Variants in PTPRD observed in about 807,000 individuals in gnomAD.
The protein encoded by PTPRD is receptor-type tyrosine-protein phosphatase delta.
A neutral mutation model predicts 214.5 loss-of-function variants in PTPRD; 34 were observed. The observed-to-expected ratio is 0.16, with a 90% confidence interval of 0.12 to 0.21. The LOEUF is 0.21. Among genes scored for constraint, PTPRD ranks in the 10% least tolerant of loss-of-function variants. PTPRD has a pLI of 1.00. For synonymous variants in PTPRD, 1,128 were observed against 845.7 expected (o/e 1.33, Z -5.79); for missense variants, 2,545 against 2,398.7 (o/e 1.06, Z -1.27).
chr9:8,632,615 C>T (rs2096287613), intron 14 of PTPRD, among the ~76,000 whole-genome samples: 1 of 151,990 alleles, frequency 6.6e-6, no homozygotes. Context: ...AGACATACAA[C>T]ACAGTCTTCA....
chr9:9,763,289 T>A (rs2098676663), intron 6 of PTPRD, among the ~76,000 whole-genome samples: 1 of 152,200 alleles, frequency 6.6e-6, no homozygotes. Flanking sequence ...TGGGTGTGTT[T>A]CTTTTCAGTC....
intron 2 of PTPRD, among the ~76,000 whole-genome samples, chr9:10,511,023 T>A (rs987320713): frequency 8.0e-6 from 1 of 124,510 alleles, no homozygotes; most frequent in Admixed American, 7.3e-5. Context: ...TTATTGTAAA[T>A]GTACTTATGA....
intron 39 of PTPRD, among the ~76,000 whole-genome samples, chr9:8,350,030 A>G (rs1411183735): frequency 2.0e-5 from 3 of 152,054 alleles, no homozygotes; most frequent in Non-Finnish European, 4.4e-5. Context: ...GCCTACTAGG[A>G]AATTGTTATT....
intron 5 of PTPRD, among the ~76,000 whole-genome samples, chr9:9,786,874 G>A (rs747801979): frequency 3.2e-4 from 48 of 151,800 alleles, no homozygotes; most frequent in Non-Finnish European, 4.6e-4. Flanking sequence ...GCTGGGCACA[G>A]TGGCTTACAT....
At chr9:9,326,640 T>G (rs535875053) in intron 9 of PTPRD, among the ~76,000 whole-genome samples, 137 of 151,504 alleles carry the variant, frequency 9.0e-4, no homozygotes, top group Non-Finnish European at 1.5e-3. Flanking sequence ...ATGAGAGCAT[T>G]GAAGATTTTT....
intron 4 of PTPRD, among the ~76,000 whole-genome samples, chr9:9,968,719 G>C (rs1034684517): frequency 1.3e-5 from 2 of 151,998 alleles, no homozygotes; most frequent in Non-Finnish European, 2.9e-5. Context: ...AAAAAAGCTA[G>C]GTCACAGAAA....
intron 11 of PTPRD, among the ~76,000 whole-genome samples, chr9:8,932,172 GATCTT>G (rs1483249641): frequency 6.6e-6 from 1 of 152,082 alleles, no homozygotes. Context: ...GTTCTGCTCT[GATCTT>G]AAGTGTTTCT....
chr9:8,402,368 G>T (rs2133791), intron 36 of PTPRD, among the ~76,000 whole-genome samples: 141,203 of 152,228 alleles, frequency 0.93, 65,506 homozygotes, highest in Middle Eastern at 0.96. Context: ...AGGAGGTATA[G>T]TTTTTATCCC....
intron 12 of PTPRD, among the ~76,000 whole-genome samples, chr9:8,695,604 T>C (rs969274280): frequency 2.6e-5 from 4 of 152,204 alleles, no homozygotes; most frequent in Admixed American, 6.5e-5. Context: ...TAAATGATTA[T>C]ATATAATTTT....
At chr9:8,662,612 A>C (rs2097085819) in intron 12 of PTPRD, among the ~76,000 whole-genome samples, 1 of 152,108 alleles carries the variant, frequency 6.6e-6, no homozygotes, top group African/African-American at 2.4e-5. Flanking sequence ...CAAGGGTTTC[A>C]CTTCCTACTT....
At chr9:9,845,343 T>A (rs1410780822) in intron 5 of PTPRD, among the ~76,000 whole-genome samples, 2 of 151,432 alleles carry the variant, frequency 1.3e-5, no homozygotes, top group South Asian at 2.1e-4. Context: ...ATAACTTGAA[T>A]GATCTTGTCC....
intron 11 of PTPRD, among the ~76,000 whole-genome samples, chr9:8,948,475 ATATATT>A (rs1567182905): frequency 1.5e-4 from 7 of 47,964 alleles, no homozygotes; most frequent in Middle Eastern, 9.3e-3. Context: ...TTACATATAT[ATATATT>A]TATATATATA....
intron 36 of PTPRD, among the ~76,000 whole-genome samples, chr9:8,392,153 G>C (rs953252777): frequency 1.3e-5 from 2 of 152,100 alleles, no homozygotes; most frequent in African/African-American, 4.8e-5. Flanking sequence ...GAGAGGCTGA[G>C]GCAGGAGGAT....
At position 9,354,919 on chromosome 9, in the gene PTPRD, TC is replaced by T. The variant is rs564312130; in HGVS notation, c.-203+42529del. 2.2e-3 allele frequency among the ~76,000 whole-genome samples: 335 copies of T among 151,898 alleles called. 3 individuals carry two copies. The highest frequency in any genetic ancestry group is 3.4e-3 in the Non-Finnish European group (229 of 67,856). ...TAAGGATAGTCCATGCCTGGCATTTTCAATGAATAGCAAAGGAGGAAAATGT... is the reference window on the plus strand; with the variant it reads ...TAAGGATAGTCCATGCCTGGCATTTTAATGAATAGCAAAGGAGGAAAATGT... On this transcript the variant is annotated intron_variant, in intron 9 of 45. Transcript: ENST00000381196.
At chr9:8,796,643 A>C (rs10124085) in intron 11 of PTPRD, among the ~76,000 whole-genome samples, 7,248 of 152,180 alleles carry the variant, frequency 0.048, 360 homozygotes, top group African/African-American at 0.13. Flanking sequence ...TCAAATCATC[A>C]TGTGCCTGAT....
chr9:9,398,617 T>C (rs1277712832), intron 8 of PTPRD, among the ~76,000 whole-genome samples: 1 of 151,966 alleles, frequency 6.6e-6, no homozygotes, highest in African/African-American at 2.4e-5. Context: ...AATAAAGAAA[T>C]TGAGGGTGAA....
At chr9:10,135,393 T>G (rs1169078551) in intron 3 of PTPRD, among the ~76,000 whole-genome samples, 15 of 151,904 alleles carry the variant, frequency 9.9e-5, no homozygotes, top group Admixed American at 9.9e-4. Flanking sequence ...CATGAGACAC[T>G]ATATAAGATG....
At chr9:9,379,794 TGTAA>T (rs1449870669) in intron 9 of PTPRD, among the ~76,000 whole-genome samples, 1 of 152,096 alleles carries the variant, frequency 6.6e-6, no homozygotes, top group East Asian at 1.9e-4. Context: ...AGTGTGCTAA[TGTAA>T]GTGTTATTTT....
At chr9:9,892,516 A>T (rs2073703639) in intron 5 of PTPRD, among the ~76,000 whole-genome samples, 1 of 152,154 alleles carries the variant, frequency 6.6e-6, no homozygotes, top group African/African-American at 2.4e-5. Flanking sequence ...AATGATTCAG[A>T]TCATTGTGGA....
Sources: allele counts gnomAD v4.1 joint callset (sites outside exome capture counted in the v4.1 genomes callset), GRCh38; gene constraint gnomAD v4.1.1; transcripts MANE v1.5; gene names NCBI Gene and HGNC (gene_info 2026-07-23, HGNC 2026-07-21).